COG5: variants seen among roughly 807,000 people sequenced by gnomAD.
COG5 encodes the protein component of oligomeric golgi complex 5.
In COG5, 86 loss-of-function variants were observed where a neutral mutation model predicts 110.4. That is an observed-to-expected ratio of 0.78 (90% CI 0.65 to 0.93). COG5 has a LOEUF of 0.93. COG5 is among the 40% of genes least tolerant of loss of function. The pLI is 0.00. For missense variants in COG5, 1,077 were observed against 987.0 expected, an observed-to-expected ratio of 1.09 and a Z score of -1.22; for synonymous variants, 360 against 334.6, an observed-to-expected ratio of 1.08 and a Z score of -0.83.
chr7:107,536,003 T>C (rs1264558791), intron 5 of COG5, among the ~76,000 whole-genome samples: 1 of 152,162 alleles, frequency 6.6e-6, no homozygotes, highest in Non-Finnish European at 1.5e-5. Flanking sequence ...TGGTTCAACA[T>C]ATGCAAATCA....
chr7:107,379,118 A>G (rs1314002363), intron 7 of COG5, among the ~76,000 whole-genome samples: 3 of 152,214 alleles, frequency 2.0e-5, no homozygotes, highest in Non-Finnish European at 2.9e-5. Flanking sequence ...GCCAACAATA[A>G]ACATTCTTAA....
chr7:107,248,582 C>T (rs958390967), intron 16 of COG5, 83 bp from the exon 17 acceptor site: 9 of 881,042 alleles, frequency 1.0e-5, no homozygotes, highest in Admixed American at 5.9e-5. Context: ...TGAGAAACAC[C>T]GTGACTAACA....
intron 6 of COG5, among the ~76,000 whole-genome samples, chr7:107,509,589 G>A (rs4588787): frequency 0.4 from 60,587 of 151,856 alleles, 12,761 homozygotes; most frequent in Non-Finnish European, 0.47. Context: ...TCCAACACAC[G>A]TAATTGTCAG....
At chr7:107,260,587 G>GA (rs1803255641) in intron 14 of COG5, among the ~76,000 whole-genome samples, 3 of 152,166 alleles carry the variant, frequency 2.0e-5, no homozygotes, top group East Asian at 1.9e-4. Flanking sequence ...AGAAAGCATA[G>GA]AAAAAATCCC....
intron 5 of COG5, among the ~76,000 whole-genome samples, chr7:107,532,104 T>C (rs556456617): frequency 6.6e-6 from 1 of 152,200 alleles, no homozygotes; most frequent in South Asian, 2.1e-4. Flanking sequence ...TCGCCCAGGC[T>C]AGAGTACAAT....
chr7:107,395,531 T>C (rs1324474463), intron 7 of COG5, among the ~76,000 whole-genome samples: 2 of 141,906 alleles, frequency 1.4e-5, no homozygotes, highest in Non-Finnish European at 3.0e-5. Flanking sequence ...GTCTTTACCA[T>C]GAAGCAGATC....
intron 12 of COG5, among the ~76,000 whole-genome samples, chr7:107,296,043 T>C (rs924980615): frequency 8.5e-5 from 13 of 152,138 alleles, no homozygotes; most frequent in Non-Finnish European, 1.6e-4. Flanking sequence ...TCTGCCCACG[T>C]TGGCCTTCCA....
intron 7 of COG5, among the ~76,000 whole-genome samples, chr7:107,385,986 TTTTGTGTG>T (rs1257564457): frequency 1.9e-5 from 1 of 51,448 alleles, no homozygotes; most frequent in Non-Finnish European, 3.6e-5. Context: ...TTAAACCAGG[TTTTGTGTG>T]TGTGTGTGTG....
intron 6 of COG5, among the ~76,000 whole-genome samples, chr7:107,419,871 A>T (rs1054107605): frequency 6.6e-6 from 1 of 152,152 alleles, no homozygotes; most frequent in Admixed American, 6.5e-5. Context: ...CCTGGCCAAG[A>T]GTTTATAGTT....
At chr7:107,276,299 G>A (rs1804697861) in intron 14 of COG5, among the ~76,000 whole-genome samples, 1 of 152,090 alleles carries the variant, frequency 6.6e-6, no homozygotes, top group South Asian at 2.1e-4. Context: ...AATTTTAAAG[G>A]TGCCACAACA....
At chr7:107,353,343 T>TG (rs1812331330) in intron 10 of COG5, among the ~76,000 whole-genome samples, 1 of 142,390 alleles carries the variant, frequency 7.0e-6, no homozygotes, top group Non-Finnish European at 1.5e-5. Flanking sequence ...GAGAATGGCG[T>TG]GAACCCGGGA....
At chr7:107,357,671 TTCTC>T (rs529140419) in intron 10 of COG5, among the ~76,000 whole-genome samples, 1 of 152,104 alleles carries the variant, frequency 6.6e-6, no homozygotes, top group Non-Finnish European at 1.5e-5. Flanking sequence ...CTTTCTCTCC[TTCTC>T]TCTCTTTCTT....
At chr7:107,258,415 A>T (rs1192753118) in intron 14 of COG5, 32 bp from the exon 15 acceptor site, 5 of 1,226,848 alleles carry the variant, frequency 4.1e-6, no homozygotes, top group Non-Finnish European at 6.0e-6. Context: ...AGAATGTGTC[A>T]GAATGATAAT....
intron 1 of COG5, among the ~76,000 whole-genome samples, chr7:107,562,013 G>A (rs533810096): frequency 1.3e-4 from 20 of 152,030 alleles, no homozygotes; most frequent in Non-Finnish European, 2.6e-4. Flanking sequence ...AGGAGCAGAG[G>A]CTCCACTTCC....
intron 21 of COG5, chr7:107,210,030 C>G: frequency 9.9e-7 from 1 of 1,013,044 alleles, no homozygotes; most frequent in Non-Finnish European, 1.2e-6. Context: ...AGAGCACATG[C>G]GTATGTATGT....
rs548984475 is a variant in COG5 at position 107,524,550 on chromosome 7, A to G, written c.538+2687T>C. Among the ~76,000 whole-genome samples, 102 of 152,370 alleles carry G rather than the reference A, an allele frequency of 6.7e-4. No homozygotes were observed. The South Asian group carries it at 0.019, about 28-fold the overall frequency. On this transcript the variant is annotated intron_variant, in intron 6 of 21. Coordinates refer to ENST00000297135, the MANE Select transcript of COG5 (RefSeq NM_006348.5). ...GAAGTGTCATTTAGTGTACATGTGTATAACTGTAATAGTGACTGCAAAATT... is the reference window on the plus strand; with the variant it reads ...GAAGTGTCATTTAGTGTACATGTGTGTAACTGTAATAGTGACTGCAAAATT...
chr7:107,293,904 TC>T (rs1191813690), intron 12 of COG5, among the ~76,000 whole-genome samples: 1 of 151,946 alleles, frequency 6.6e-6, no homozygotes, highest in African/African-American at 2.4e-5. Flanking sequence ...AAACTCTGTC[TC>T]TACTAAAAAT....
chr7:107,282,345 T>G (rs1805236536), intron 13 of COG5, among the ~76,000 whole-genome samples: 1 of 152,182 alleles, frequency 6.6e-6, no homozygotes, highest in Non-Finnish European at 1.5e-5. Context: ...ATGGGAGAGA[T>G]TCCTCTTTAA....
At chr7:107,405,911 G>C (rs1276879672) in intron 7 of COG5, among the ~76,000 whole-genome samples, 1 of 152,160 alleles carries the variant, frequency 6.6e-6, no homozygotes, top group Non-Finnish European at 1.5e-5. Flanking sequence ...TTGTGAATCA[G>C]AATGTTGGCC....
Sources: allele counts gnomAD v4.1 joint callset (sites outside exome capture counted in the v4.1 genomes callset), GRCh38; gene constraint gnomAD v4.1.1; transcripts MANE v1.5; gene names NCBI Gene and HGNC (gene_info 2026-07-23, HGNC 2026-07-21).